LHFPL3: variants seen among roughly 807,000 people sequenced by gnomAD.
LHFPL3 encodes LHFPL tetraspan subfamily member 3.
LHFPL3 carries 5 observed loss-of-function variants against 19.3 expected under a neutral mutation model. The ratio of observed to expected loss-of-function variants is 0.26; its 90% CI spans 0.14 to 0.54. The LOEUF (loss-of-function observed/expected upper bound fraction) is 0.54. Ranked by LOEUF, LHFPL3 falls within the 20% of genes least tolerant of loss-of-function variation. The pLI, the probability that LHFPL3 is intolerant of heterozygous loss-of-function variation, is 0.94. For missense variants in LHFPL3, 249 were observed against 307.4 expected, an observed-to-expected ratio of 0.81 and a Z score of 1.42; for synonymous variants, 133 against 126.2, an observed-to-expected ratio of 1.05 and a Z score of -0.36.
intron 1 of LHFPL3, among the ~76,000 whole-genome samples, chr7:104,467,576 G>C (rs982046625): frequency 6.6e-6 from 1 of 152,144 alleles, no homozygotes; most frequent in Non-Finnish European, 1.5e-5. Context: ...TATTATCCCC[G>C]TATTAGATTG....
Position 104,742,833 on chromosome 7 carries a change from G to T in LHFPL3, c.682+5922G>T, listed in dbSNP as rs567364939. Among the ~76,000 whole-genome samples the T allele has an allele frequency of 1.3e-4, 20 of 152,272 alleles. No homozygotes were observed. The East Asian group carries it at 3.9e-3, about 29-fold the overall frequency. ...TACTCTTTTAGGAACTTGTTAGTAT[G>T]CAGTGTTGACTAGGGGAGGGGATAG... On this transcript the variant is annotated intron_variant, in intron 2 of 2. Transcript: ENST00000424859.
intron 2 of LHFPL3, among the ~76,000 whole-genome samples, chr7:104,821,022 C>A (rs1314932354): frequency 1.3e-5 from 2 of 152,120 alleles, no homozygotes; most frequent in Non-Finnish European, 2.9e-5. Context: ...TTCCAAGAGG[C>A]CTGCCTCCCA....
At chr7:104,580,307 ATTTTTTTCT>A (rs1408679878) in intron 1 of LHFPL3, among the ~76,000 whole-genome samples, 1 of 152,068 alleles carries the variant, frequency 6.6e-6, no homozygotes, top group African/African-American at 2.4e-5. Flanking sequence ...GTACAATGTT[ATTTTTTTCT>A]TTTCCCAAAC....
At chr7:104,669,412 G>C (rs1245336680) in intron 1 of LHFPL3, 21 of 1,613,502 alleles carry the variant, frequency 1.3e-5, no homozygotes. Flanking sequence ...CCACTGGAAG[G>C]AGTCAGATAG....
intron 2 of LHFPL3, among the ~76,000 whole-genome samples, chr7:104,862,318 G>A (rs1420404910): frequency 6.6e-6 from 1 of 152,122 alleles, no homozygotes; most frequent in East Asian, 1.9e-4. Context: ...ATGAACTTCA[G>A]GAGTGGACTT....
At chr7:104,614,731 CTTTCTT>C (rs1468637765) in intron 1 of LHFPL3, among the ~76,000 whole-genome samples, 15 of 120,980 alleles carry the variant, frequency 1.2e-4, no homozygotes, top group African/African-American at 4.8e-4. Context: ...TTCTTTCTTT[CTTTCTT>C]TCTCTTTCTC....
chr7:104,573,119 A>C (rs1790258633), intron 1 of LHFPL3, among the ~76,000 whole-genome samples: 1 of 152,216 alleles, frequency 6.6e-6, no homozygotes, highest in Non-Finnish European at 1.5e-5. Context: ...GGTTGATTTA[A>C]AGACAAATAT....
At chr7:104,896,707 G>A (rs1792366773) in intron 2 of LHFPL3, among the ~76,000 whole-genome samples, 1 of 152,186 alleles carries the variant, frequency 6.6e-6, no homozygotes, top group Non-Finnish European at 1.5e-5. Context: ...CCAGAGGAGG[G>A]GCTGGAGCAG....
intron 1 of LHFPL3, among the ~76,000 whole-genome samples, chr7:104,648,387 A>G (rs1360855607): frequency 2.0e-5 from 3 of 152,242 alleles, no homozygotes; most frequent in African/African-American, 4.8e-5. Context: ...GATGTATACC[A>G]TTAATATTTT....
At chr7:104,835,252 T>C (rs1245333247) in intron 2 of LHFPL3, among the ~76,000 whole-genome samples, 1 of 151,894 alleles carries the variant, frequency 6.6e-6, no homozygotes, top group Non-Finnish European at 1.5e-5. Flanking sequence ...CTTAGTATGA[T>C]GCACAGAGTA....
chr7:104,890,265 T>C (rs545874628), intron 2 of LHFPL3, among the ~76,000 whole-genome samples: 6 of 152,298 alleles, frequency 3.9e-5, no homozygotes, highest in African/African-American at 1.4e-4. Flanking sequence ...ATTGTGCCAC[T>C]TCACTCACCT....
chr7:104,519,418 C>G (rs1251559063), intron 1 of LHFPL3, among the ~76,000 whole-genome samples: 1 of 152,106 alleles, frequency 6.6e-6, no homozygotes, highest in Non-Finnish European at 1.5e-5. Context: ...GGAAATTAAA[C>G]TTTATGTGTT....
intron 1 of LHFPL3, among the ~76,000 whole-genome samples, chr7:104,410,851 A>G (rs1791522612): frequency 6.6e-6 from 1 of 152,214 alleles, no homozygotes; most frequent in Non-Finnish European, 1.5e-5. Flanking sequence ...TTGAAGGATG[A>G]ATTGGCCAAG....
intron 1 of LHFPL3, among the ~76,000 whole-genome samples, chr7:104,456,664 T>A (rs901254557): frequency 6.6e-6 from 1 of 152,202 alleles, no homozygotes; most frequent in Non-Finnish European, 1.5e-5. Flanking sequence ...TTTGGCGTAT[T>A]TGAATTGCAA....
At chr7:104,536,530 G>T (rs1794392135) in intron 1 of LHFPL3, among the ~76,000 whole-genome samples, 1 of 152,058 alleles carries the variant, frequency 6.6e-6, no homozygotes, top group Non-Finnish European at 1.5e-5. Flanking sequence ...ATAAATAATT[G>T]GCTTTTTCTC....
intron 1 of LHFPL3, among the ~76,000 whole-genome samples, chr7:104,703,347 A>C (rs1420495008): frequency 6.6e-6 from 1 of 152,204 alleles, no homozygotes; most frequent in Non-Finnish European, 1.5e-5. Flanking sequence ...TTATCTAACA[A>C]ATTTCAAAAA....
chr7:104,648,212 G>A (rs760018550), intron 1 of LHFPL3, among the ~76,000 whole-genome samples: 1 of 152,228 alleles, frequency 6.6e-6, no homozygotes, highest in Non-Finnish European at 1.5e-5. Flanking sequence ...CCTGAAGTAT[G>A]TGCTGTTCCA....
chr7:104,477,995 C>G (rs972682756), intron 1 of LHFPL3, among the ~76,000 whole-genome samples: 5 of 152,052 alleles, frequency 3.3e-5, no homozygotes, highest in Non-Finnish European at 7.4e-5. Flanking sequence ...TGCTGAAATC[C>G]CCAAAGTGCT....
At chr7:104,887,352 G>A (rs1440612485) in intron 2 of LHFPL3, among the ~76,000 whole-genome samples, 1 of 152,198 alleles carries the variant, frequency 6.6e-6, no homozygotes, top group African/African-American at 2.4e-5. Context: ...GAAGACACTG[G>A]TAGGGGATGA....
Sources: allele counts gnomAD v4.1 joint callset (sites outside exome capture counted in the v4.1 genomes callset), GRCh38; gene constraint gnomAD v4.1.1; transcripts MANE v1.5; gene names NCBI Gene and HGNC (gene_info 2026-07-23, HGNC 2026-07-21).